The following IL18RAP variants were observed in gnomAD, a reference collection of about 807,000 sequenced individuals.
IL18RAP encodes interleukin-18 receptor accessory protein.
In IL18RAP, 37 loss-of-function variants were observed where a neutral mutation model predicts 58.1. The ratio of observed to expected loss-of-function variants is 0.64; its 90% confidence interval spans 0.49 to 0.84. The LOEUF (loss-of-function observed/expected upper bound fraction) is 0.84. IL18RAP is among the 40% of genes least tolerant of loss of function. IL18RAP has a pLI of 0.00. For synonymous variants in IL18RAP, 268 were observed against 257.5 expected (o/e 1.04, Z -0.39); for missense variants, 667 against 704.8 (o/e 0.95, Z 0.61).
intron 8 of IL18RAP, among the ~76,000 whole-genome samples, chr2:102,447,730 T>G (rs13412124): frequency 0.026 from 1,610 of 61,934 alleles, 23 homozygotes; most frequent in African/African-American, 0.11. Context: ...ATGTATGTAT[T>G]TATTTATTTA....
At chr2:102,448,414 T>C (rs1683562261) in intron 8 of IL18RAP, among the ~76,000 whole-genome samples, 1 of 152,252 alleles carries the variant, frequency 6.6e-6, no homozygotes, top group African/African-American at 2.4e-5. Flanking sequence ...ATAATCATGT[T>C]CATTGATGTT....
chr2:102,420,146 A>G (rs1681479671), upstream of IL18RAP, among the ~76,000 whole-genome samples: 1 of 152,204 alleles, frequency 6.6e-6, no homozygotes, highest in Non-Finnish European at 1.5e-5. Flanking sequence ...TGAGACTTCC[A>G]GAATGGTCTT....
chr2:102,422,816 G>GA (rs1681659023), upstream of IL18RAP, among the ~76,000 whole-genome samples: 1 of 152,090 alleles, frequency 6.6e-6, no homozygotes, highest in African/African-American at 2.4e-5. Context: ...TCCTAACCGT[G>GA]AAAAATCTGA....
At position 102,447,162 on chromosome 2, in the gene IL18RAP, G is replaced by A. The variant is rs1174289057; in HGVS notation, c.1165G>A (p.Val389Met). The change falls in exon 8 of 10, where the codon GTG (valine) becomes ATG (methionine). Residue 389 changes from valine to methionine, a missense_variant. Val to Met is a conservative substitution (Grantham distance 21, BLOSUM62 1). Transcript: ENST00000687160. ...CCTCTACAGGCACTGGATTGAAATA[G>A]TGCTGCTGTACCGGACCTACCAGAG... ...ALLYRHWIEI[V>M]LLYRTYQSKD... 6 of 1,614,050 alleles carry A rather than the reference G, an allele frequency of 3.7e-6. No individual in the cohort carries two copies. Among genetic ancestry groups the A allele is most frequent in the Non-Finnish European group, 3.4e-6 (4 of 1,180,044 alleles).
Position 102,452,174 on chromosome 2 carries a change from A to G in IL18RAP, c.1793A>G (p.Glu598Gly), listed in dbSNP as rs1378426697. The change falls in exon 10 of 10, where the codon GAA (glutamate) becomes GGA (glycine). Residue 598 changes from glutamate to glycine, a missense_variant. Glu to Gly is a moderately conservative substitution (Grantham distance 98). Coordinates refer to ENST00000687160, the MANE Select transcript of IL18RAP (RefSeq NM_001393487.1). ...ETTGRSSQPK[E>G]W Reference sequence around the variant, plus strand: ...ACTGGGAGGAGCTCCCAGCCTAAGGAATGGTGAAATGAGCCCTGGAGCCCC... The same window carrying G: ...ACTGGGAGGAGCTCCCAGCCTAAGGGATGGTGAAATGAGCCCTGGAGCCCC... 2 of 1,600,266 alleles carry G rather than the reference A, an allele frequency of 1.2e-6. No individual in the cohort carries two copies. The highest frequency in any genetic ancestry group is 2.2e-5 in the East Asian group (1 of 44,806).
intron 3 of IL18RAP, 137 bp downstream of exon 3, chr2:102,424,551 G>T: frequency 1.4e-6 from 1 of 692,246 alleles, no homozygotes; most frequent in Non-Finnish European, 2.4e-6. Context: ...CTCTGCAGGA[G>T]ATCTGACTTT....
At chr2:102,429,689 T>G (rs186374305) in intron 3 of IL18RAP, among the ~76,000 whole-genome samples, 219 of 152,144 alleles carry the variant, frequency 1.4e-3, no homozygotes, top group African/African-American at 4.8e-3. Flanking sequence ...TTTCCTGTGT[T>G]TCAATGCAGA....
intron 7 of IL18RAP, among the ~76,000 whole-genome samples, chr2:102,446,477 T>C (rs193166923): frequency 7.9e-4 from 120 of 152,248 alleles, no homozygotes; most frequent in South Asian, 1.9e-3. Flanking sequence ...CCTCAGTCTC[T>C]AAAGTCCGTT....
At chr2:102,424,443 A>T (rs750881713) in intron 3 of IL18RAP, 29 bp downstream of exon 3, 7 of 1,579,540 alleles carry the variant, frequency 4.4e-6, no homozygotes, top group South Asian at 2.2e-5. Context: ...AAATTAATAT[A>T]AGAGCATTGT....
Position 102,423,853 on chromosome 2 carries a change from G to C in IL18RAP, c.113G>C (p.Ser38Thr), listed in dbSNP as rs1194146135. ...CTCCTTTGGACATATTCTACAAGGA[G>C]TGAAGAGGAATTTGTCTTATTTTGT... is the stretch of plus-strand genomic sequence containing the variant. ...KKLLWTYSTRSEEEFVLFCDL... is the reference protein window; with the variant it reads ...KKLLWTYSTRTEEEFVLFCDL... The change falls in exon 2 of 10, where the codon AGT (serine) becomes ACT (threonine). Residue 38 changes from serine to threonine, a missense_variant. Physicochemically the swap from Ser to Thr is moderately conservative, Grantham distance 58. Transcript: ENST00000687160. 6.2e-7 allele frequency: 1 copy of C among 1,613,988 alleles called. No individual in the cohort carries two copies. The highest frequency in any genetic ancestry group is 1.7e-5 in the Admixed American group (1 of 59,988).
intron 1 of IL18RAP, 150 bp from the exon 2 acceptor site, chr2:102,423,661 G>T: frequency 1.5e-6 from 1 of 682,422 alleles, no homozygotes. Context: ...ATTAGAACAG[G>T]CACTTCCTTT....
At chr2:102,420,224 C>T (rs1681486962), upstream of IL18RAP, among the ~76,000 whole-genome samples, 1 of 152,176 alleles carries the variant, frequency 6.6e-6, no homozygotes, top group Admixed American at 6.5e-5. Flanking sequence ...AACCCACCTC[C>T]CCAAGCTCTA....
intron 7 of IL18RAP, among the ~76,000 whole-genome samples, chr2:102,446,539 G>T (rs774992853): frequency 6.6e-6 from 1 of 151,980 alleles, no homozygotes; most frequent in Non-Finnish European, 1.5e-5. Flanking sequence ...ATTTATAAGT[G>T]AAAACACACA....
chr2:102,446,980 G>C, intron 7 of IL18RAP, 90 bp from the exon 8 acceptor site: 1 of 1,333,408 alleles, frequency 7.5e-7, no homozygotes, highest in Non-Finnish European at 1.0e-6. Context: ...GCTGGAAAAG[G>C]TGCTGGGTGG....
upstream of IL18RAP, among the ~76,000 whole-genome samples, chr2:102,422,176 C>A (rs953114936): frequency 6.6e-6 from 1 of 152,190 alleles, no homozygotes; most frequent in Middle Eastern, 3.2e-3. Context: ...GGTGGCCAAA[C>A]CAAGACTCTT....
intron 6 of IL18RAP, among the ~76,000 whole-genome samples, chr2:102,444,342 G>A (rs1179149095): frequency 6.6e-6 from 1 of 152,038 alleles, no homozygotes; most frequent in Admixed American, 6.6e-5. Flanking sequence ...CCCACCCTTG[G>A]GTTTAAACCC....
At chr2:102,431,552 A>G (rs1266501153) in intron 3 of IL18RAP, among the ~76,000 whole-genome samples, 1 of 152,142 alleles carries the variant, frequency 6.6e-6, no homozygotes, top group East Asian at 1.9e-4. Flanking sequence ...CTAATATGTG[A>G]ATCTTGAAGG....
chr2:102,442,015 G>A (rs1432138781), intron 5 of IL18RAP, among the ~76,000 whole-genome samples: 3 of 152,148 alleles, frequency 2.0e-5, no homozygotes, highest in African/African-American at 7.2e-5. Flanking sequence ...CGTACATGTT[G>A]GTTAGGTCTA....
intron 7 of IL18RAP, among the ~76,000 whole-genome samples, chr2:102,445,769 G>A (rs796069024): frequency 3.3e-5 from 5 of 151,930 alleles, no homozygotes; most frequent in African/African-American, 1.2e-4. Context: ...GAAGAGAGAA[G>A]GAGTAATCTT....
Sources: allele counts gnomAD v4.1 joint callset (sites outside exome capture counted in the v4.1 genomes callset), GRCh38; gene constraint gnomAD v4.1.1; transcripts MANE v1.5; gene names NCBI Gene and HGNC (gene_info 2026-07-23, HGNC 2026-07-21).